CCDC178: variants seen among roughly 807,000 people sequenced by gnomAD.
CCDC178 encodes the protein coiled-coil domain-containing protein 178.
In CCDC178, 126 loss-of-function variants were observed where a neutral mutation model predicts 117.4. That is an observed-to-expected ratio of 1.07 (90% CI 0.93 to 1.24). CCDC178 has a LOEUF of 1.24. Ranked by LOEUF, CCDC178 falls within the 50% of genes most tolerant of loss-of-function variation. The pLI, the probability that CCDC178 is intolerant of heterozygous loss-of-function variation, is 0.00. For synonymous variants in CCDC178, 283 were observed against 313.4 expected, an observed-to-expected ratio of 0.90 and a Z score of 1.02; for missense variants, 1,030 against 986.9, an observed-to-expected ratio of 1.04 and a Z score of -0.59.
intron 14 of CCDC178, among the ~76,000 whole-genome samples, chr18:33,258,743 G>T (rs896949071): frequency 6.6e-6 from 1 of 151,990 alleles, no homozygotes; most frequent in African/African-American, 2.4e-5. Context: ...AATATATTTA[G>T]TCCTAAGTAT....
chr18:33,255,251 C>G (rs1264138192), intron 14 of CCDC178, among the ~76,000 whole-genome samples: 1 of 151,954 alleles, frequency 6.6e-6, no homozygotes, highest in Non-Finnish European at 1.5e-5. Context: ...CTTTTCTTTA[C>G]AAATTACCCA....
chr18:33,104,666 T>C (rs1032713830), intron 20 of CCDC178, among the ~76,000 whole-genome samples: 1 of 151,734 alleles, frequency 6.6e-6, no homozygotes, highest in African/African-American at 2.4e-5. Context: ...GACCCACTTT[T>C]ACGTTTTTCC....
At chr18:33,425,651 G>A (rs1568218919) in intron 2 of CCDC178, among the ~76,000 whole-genome samples, 1 of 152,086 alleles carries the variant, frequency 6.6e-6, no homozygotes, top group Non-Finnish European at 1.5e-5. Flanking sequence ...AATTGTTGCT[G>A]GGAAGTCAGG....
intron 11 of CCDC178, among the ~76,000 whole-genome samples, chr18:33,293,917 T>C (rs1033832442): frequency 1.3e-5 from 2 of 151,966 alleles, no homozygotes; most frequent in Non-Finnish European, 2.9e-5. Flanking sequence ...AAGAGATTTA[T>C]ACACTTTTAA....
chr18:33,063,205 C>A (rs2056956269), intron 21 of CCDC178, among the ~76,000 whole-genome samples: 1 of 152,146 alleles, frequency 6.6e-6, no homozygotes, highest in South Asian at 2.1e-4. Context: ...ACCTACCCTG[C>A]CTGCCATTGC....
intron 6 of CCDC178, among the ~76,000 whole-genome samples, chr18:33,366,528 A>G (rs980450630): frequency 2.6e-5 from 4 of 152,094 alleles, no homozygotes; most frequent in Non-Finnish European, 5.9e-5. Context: ...AACTCAAAAT[A>G]AGAATTTTGT....
intron 20 of CCDC178, among the ~76,000 whole-genome samples, chr18:33,193,932 T>C (rs545262230): frequency 2.0e-5 from 3 of 152,280 alleles, no homozygotes; most frequent in African/African-American, 4.8e-5. Flanking sequence ...ATAACACTTG[T>C]GTGTCTGCAT....
At chr18:33,318,079 T>C (rs1242371783) in intron 11 of CCDC178, among the ~76,000 whole-genome samples, 2 of 152,162 alleles carry the variant, frequency 1.3e-5, no homozygotes, top group African/African-American at 4.8e-5. Flanking sequence ...AAGATAAGAA[T>C]ATTCCCTCCC....
intron 10 of CCDC178, among the ~76,000 whole-genome samples, chr18:33,324,169 T>C (rs990223748): frequency 2.0e-5 from 3 of 151,926 alleles, no homozygotes; most frequent in African/African-American, 7.2e-5. Context: ...CTAATGCTCA[T>C]GTCTCCATCT....
chr18:33,101,390 G>A (rs900966499), intron 20 of CCDC178, among the ~76,000 whole-genome samples: 1 of 151,762 alleles, frequency 6.6e-6, no homozygotes, highest in South Asian at 2.1e-4. Flanking sequence ...TTAAGATGTA[G>A]AAAGGTTTCC....
At chr18:33,274,491 G>A (rs531325442) in intron 12 of CCDC178, among the ~76,000 whole-genome samples, 5 of 151,634 alleles carry the variant, frequency 3.3e-5, no homozygotes, top group African/African-American at 1.2e-4. Flanking sequence ...CAAAAAAAGT[G>A]GAAACAGCCA....
intron 21 of CCDC178, among the ~76,000 whole-genome samples, chr18:32,986,398 T>C (rs2055264258): frequency 6.6e-6 from 1 of 152,016 alleles, no homozygotes; most frequent in South Asian, 2.1e-4. Flanking sequence ...GCAAATTGTC[T>C]CTGGAAAAAA....
intron 11 of CCDC178, among the ~76,000 whole-genome samples, chr18:33,293,602 C>T (rs1003730289): frequency 1.3e-5 from 2 of 152,074 alleles, no homozygotes; most frequent in Admixed American, 6.6e-5. Context: ...GAGGTTGAGG[C>T]TGTAGTGAGC....
chr18:33,122,315 A>C, intron 20 of CCDC178, among the ~76,000 whole-genome samples: 1 of 152,140 alleles, frequency 6.6e-6, no homozygotes, highest in East Asian at 1.9e-4. Context: ...GAAATGCTTC[A>C]TATTGATTAA....
intron 20 of CCDC178, among the ~76,000 whole-genome samples, chr18:33,124,505 T>TG (rs1417270230): frequency 5.3e-5 from 8 of 152,226 alleles, no homozygotes; most frequent in Non-Finnish European, 1.2e-4. Context: ...TTATTTATTT[T>TG]CTAGTTACTA....
At chr18:33,016,027 A>G (rs1419697904) in intron 21 of CCDC178, among the ~76,000 whole-genome samples, 6 of 152,098 alleles carry the variant, frequency 3.9e-5, no homozygotes, top group Non-Finnish European at 8.8e-5. Context: ...AATTTGGAGG[A>G]AAAACATTAA....
chr18:32,993,631 A>G (rs1265087900), intron 21 of CCDC178, among the ~76,000 whole-genome samples: 1 of 152,162 alleles, frequency 6.6e-6, no homozygotes, highest in Non-Finnish European at 1.5e-5. Context: ...ATCACCTTGA[A>G]TGTGATCTTT....
intron 7 of CCDC178, among the ~76,000 whole-genome samples, chr18:33,352,825 G>A (rs1241385377): frequency 6.6e-6 from 1 of 151,962 alleles, no homozygotes; most frequent in Non-Finnish European, 1.5e-5. Flanking sequence ...TTATTTTGTG[G>A]CATAATATAT....
intron 20 of CCDC178, among the ~76,000 whole-genome samples, chr18:33,178,697 T>G (rs1356044396): frequency 6.6e-6 from 1 of 152,058 alleles, no homozygotes; most frequent in Non-Finnish European, 1.5e-5. Flanking sequence ...AATTGCACTG[T>G]TATCTTTGTC....
Sources: gnomAD v4.1 joint callset for allele counts (sites outside exome capture counted in the v4.1 genomes callset) on GRCh38, gnomAD v4.1.1 for gene constraint, MANE v1.5 for transcripts, NCBI Gene and HGNC (gene_info 2026-07-23, HGNC 2026-07-21) for gene names.